NELL2: variants seen among roughly 807,000 people sequenced by gnomAD.
NELL2 encodes protein kinase C-binding protein NELL2.
Under a neutral mutation model 109.6 loss-of-function variants are expected in NELL2, and 41 were observed. The ratio of observed to expected loss-of-function variants is 0.37; its 90% CI spans 0.29 to 0.49. NELL2 has a LOEUF of 0.49. Ranked by LOEUF, NELL2 falls within the 20% of genes least tolerant of loss-of-function variation. NELL2 has a pLI of 0.98. For synonymous variants in NELL2, 355 were observed against 344.7 expected, an observed-to-expected ratio of 1.03 and a Z score of -0.33; for missense variants, 900 against 1,008.3, an observed-to-expected ratio of 0.89 and a Z score of 1.45.
chr12:44,707,438 A>C (rs1937947672), intron 11 of NELL2, among the ~76,000 whole-genome samples: 1 of 152,216 alleles, frequency 6.6e-6, no homozygotes, highest in Non-Finnish European at 1.5e-5. Context: ...GAGATGCATC[A>C]AGACAAAGGG....
At chr12:44,586,628 G>A (rs1944516990) in intron 15 of NELL2, among the ~76,000 whole-genome samples, 1 of 152,124 alleles carries the variant, frequency 6.6e-6, no homozygotes, top group Non-Finnish European at 1.5e-5. Context: ...ACCTGATAGT[G>A]TCTTAAGCAA....
chr12:44,631,699 A>T (rs1946462391), intron 13 of NELL2, among the ~76,000 whole-genome samples: 1 of 152,142 alleles, frequency 6.6e-6, no homozygotes. Context: ...TGAAATTATT[A>T]AAAAAGTAGA....
intron 15 of NELL2, among the ~76,000 whole-genome samples, chr12:44,595,369 GAGA>G (rs1308240630): frequency 1.3e-5 from 2 of 152,142 alleles, no homozygotes; most frequent in African/African-American, 4.8e-5. Context: ...ATTTAAGAAG[GAGA>G]AGAAGAAGTT....
intron 12 of NELL2, among the ~76,000 whole-genome samples, chr12:44,700,341 C>T (rs1022496415): frequency 6.6e-6 from 1 of 152,156 alleles, no homozygotes; most frequent in Non-Finnish European, 1.5e-5. Context: ...ATGTTTAAAA[C>T]ACAAGTGTGA....
intron 9 of NELL2, among the ~76,000 whole-genome samples, chr12:44,727,188 A>T (rs1939128048): frequency 6.6e-6 from 1 of 152,136 alleles, no homozygotes; most frequent in Admixed American, 6.5e-5. Context: ...CACATAGGGA[A>T]ATTGTTGAAA....
chr12:44,828,666 C>T (rs1205343972), intron 2 of NELL2, among the ~76,000 whole-genome samples: 1 of 151,764 alleles, frequency 6.6e-6, no homozygotes, highest in Admixed American at 6.6e-5. Context: ...TGACCTTAAG[C>T]AAATCATTTG....
At chr12:44,644,904 A>AG (rs1566078584) in intron 13 of NELL2, among the ~76,000 whole-genome samples, 1 of 151,772 alleles carries the variant, frequency 6.6e-6, no homozygotes, top group African/African-American at 2.4e-5. Context: ...GAAGAAAAAA[A>AG]AGTTTGTGAC....
chr12:44,682,768 A>G, intron 12 of NELL2, among the ~76,000 whole-genome samples: 1 of 152,134 alleles, frequency 6.6e-6, no homozygotes, highest in East Asian at 1.9e-4. Context: ...GTTCCGTTCC[A>G]TTGATCTATA....
chr12:44,532,028 T>C (rs996046731), intron 16 of NELL2, among the ~76,000 whole-genome samples: 3 of 152,174 alleles, frequency 2.0e-5, no homozygotes, highest in Admixed American at 2.0e-4. Context: ...TATAATCTGA[T>C]TGAATTTTCT....
chr12:44,771,338 G>GT (rs1555214136), intron 9 of NELL2, among the ~76,000 whole-genome samples: 31 of 133,864 alleles, frequency 2.3e-4, no homozygotes, highest in South Asian at 5.1e-4. Flanking sequence ...TATAACAGAT[G>GT]GTTTTTTTAA....
chr12:44,673,445 G>A (rs759999216), intron 12 of NELL2, among the ~76,000 whole-genome samples: 14 of 152,152 alleles, frequency 9.2e-5, no homozygotes, highest in African/African-American at 3.4e-4. Flanking sequence ...ATGGCCCTAT[G>A]GGGTAGAACC....
chr12:44,869,671 G>A (rs916187636), intron 2 of NELL2, among the ~76,000 whole-genome samples: 1 of 152,046 alleles, frequency 6.6e-6, no homozygotes, highest in African/African-American at 2.4e-5. Context: ...AATGGTTGAG[G>A]GGATCTATGA....
chr12:44,572,259 A>C (rs1943901720), intron 15 of NELL2, among the ~76,000 whole-genome samples: 2 of 152,058 alleles, frequency 1.3e-5, no homozygotes, highest in African/African-American at 2.4e-5. Flanking sequence ...CTTCTGCCTC[A>C]GTCTTTTGGG....
intron 19 of NELL2, among the ~76,000 whole-genome samples, chr12:44,510,151 T>A (rs961859957): frequency 6.6e-6 from 1 of 152,228 alleles, no homozygotes; most frequent in African/African-American, 2.4e-5. Context: ...AACTCATAGA[T>A]AATGTTAATA....
chr12:44,840,303 T>C (rs1435595947), intron 2 of NELL2, among the ~76,000 whole-genome samples: 2 of 152,168 alleles, frequency 1.3e-5, no homozygotes, highest in Non-Finnish European at 2.9e-5. Flanking sequence ...AGTTATTTAC[T>C]CGATTTCATG....
intron 13 of NELL2, among the ~76,000 whole-genome samples, chr12:44,649,135 C>A (rs906519665): frequency 6.6e-6 from 1 of 152,012 alleles, no homozygotes; most frequent in African/African-American, 2.4e-5. Context: ...TAGAACCACA[C>A]ACCAACCAAG....
At chr12:44,786,874 C>T (rs965071855) in intron 3 of NELL2, among the ~76,000 whole-genome samples, 1 of 151,922 alleles carries the variant, frequency 6.6e-6, no homozygotes, top group Non-Finnish European at 1.5e-5. Context: ...CGGGGCCTGT[C>T]ATGGGGTGGG....
chr12:44,777,856 T>A (rs1941813156), intron 5 of NELL2, among the ~76,000 whole-genome samples: 1 of 152,194 alleles, frequency 6.6e-6, no homozygotes, highest in South Asian at 2.1e-4. Context: ...TAGTGATGAG[T>A]TCTTATGAGT....
chr12:44,732,717 T>A (rs1251450194), intron 9 of NELL2, among the ~76,000 whole-genome samples: 2 of 151,806 alleles, frequency 1.3e-5, no homozygotes, highest in African/African-American at 2.4e-5. Flanking sequence ...TACAACAAAC[T>A]AACAAACTTC....
Sources: allele counts gnomAD v4.1 joint callset (sites outside exome capture counted in the v4.1 genomes callset), GRCh38; gene constraint gnomAD v4.1.1; transcripts MANE v1.5; gene names NCBI Gene and HGNC (gene_info 2026-07-23, HGNC 2026-07-21).